The following CDH13 variants were observed in gnomAD, a reference collection of about 807,000 sequenced individuals.
The protein encoded by CDH13 is cadherin-13.
A neutral mutation model predicts 63.8 loss-of-function variants in CDH13; 24 were observed. The observed-to-expected ratio is 0.38, with a 90% CI of 0.27 to 0.53. The LOEUF (loss-of-function observed/expected upper bound fraction) is 0.53. CDH13 is among the 20% of genes least tolerant of loss of function. The probability of loss-of-function intolerance (pLI) is 0.85; values close to 1 mark genes in which losing one functional copy is unlikely to be tolerated. For synonymous variants in CDH13, 503 were observed against 355.3 expected (o/e 1.42, Z -4.67); for missense variants, 1,049 against 903.1 (o/e 1.16, Z -2.07).
At chr16:82,858,162 A>T (rs1002121368) in intron 1 of CDH13, among the ~76,000 whole-genome samples, 200 bp from the exon 2 acceptor site, 4 of 152,230 alleles carry the variant, frequency 2.6e-5, no homozygotes, top group African/African-American at 9.6e-5. Context: ...AAACTGCAGC[A>T]GCTGTTCCAT....
chr16:83,666,981 G>A (rs992801765), intron 8 of CDH13, among the ~76,000 whole-genome samples: 2 of 151,692 alleles, frequency 1.3e-5, no homozygotes, highest in African/African-American at 2.4e-5. Context: ...GTTTAGTGGT[G>A]TAACCCTGGA....
intron 1 of CDH13, among the ~76,000 whole-genome samples, chr16:82,814,957 C>A (rs1464327535): frequency 6.6e-6 from 1 of 152,154 alleles, no homozygotes; most frequent in Non-Finnish European, 1.5e-5. Flanking sequence ...AAAACCCACT[C>A]ATACTTGGTG....
intron 4 of CDH13, among the ~76,000 whole-genome samples, chr16:83,147,854 C>A (rs1260758017): frequency 6.6e-6 from 1 of 152,112 alleles, no homozygotes; most frequent in Non-Finnish European, 1.5e-5. Context: ...CACCCTGACA[C>A]CATCATAAGC....
chr16:82,758,609 A>G (rs905089608), intron 1 of CDH13, among the ~76,000 whole-genome samples: 5 of 152,298 alleles, frequency 3.3e-5, no homozygotes, highest in Admixed American at 2.6e-4. Flanking sequence ...AGCAGCCTCT[A>G]GAGGAGAGGT....
intron 1 of CDH13, among the ~76,000 whole-genome samples, chr16:82,667,778 GCTTT>G (rs1295764913): frequency 6.6e-6 from 1 of 152,124 alleles, no homozygotes; most frequent in East Asian, 1.9e-4. Context: ...GCTCACGCTT[GCTTT>G]CTATGTCCTG....
chr16:82,817,282 C>A (rs2037767282), intron 1 of CDH13, among the ~76,000 whole-genome samples: 1 of 152,174 alleles, frequency 6.6e-6, no homozygotes, highest in Non-Finnish European at 1.5e-5. Context: ...ACAGGTCCAC[C>A]CCTCTGTATG....
intron 5 of CDH13, among the ~76,000 whole-genome samples, chr16:83,235,509 A>C (rs1262929349): frequency 6.6e-6 from 1 of 151,928 alleles, no homozygotes; most frequent in African/African-American, 2.4e-5. Context: ...CCCCGACCCA[A>C]AATCTGAGAA....
intron 9 of CDH13, among the ~76,000 whole-genome samples, chr16:83,671,631 GT>G (rs1338715776): frequency 2.0e-5 from 3 of 152,182 alleles, no homozygotes; most frequent in Non-Finnish European, 4.4e-5. Context: ...GTGTGAAGGT[GT>G]TTTTAGAGAT....
At chr16:83,657,068 G>C (rs1276387399) in intron 8 of CDH13, among the ~76,000 whole-genome samples, 2 of 152,174 alleles carry the variant, frequency 1.3e-5, no homozygotes, top group African/African-American at 4.8e-5. Context: ...CATATTCTTA[G>C]GAAAGACTAA....
At chr16:83,065,329 A>G (rs946982659) in intron 3 of CDH13, among the ~76,000 whole-genome samples, 3 of 152,184 alleles carry the variant, frequency 2.0e-5, no homozygotes, top group Non-Finnish European at 2.9e-5. Flanking sequence ...TTGATCAGCT[A>G]TGTTGAATGC....
rs539325326 is a variant in CDH13 at position 83,334,317 on chromosome 16, C to T, written c.637-10545C>T. On this transcript the variant is annotated intron_variant, in intron 5 of 13. Coordinates refer to ENST00000567109, the MANE Select transcript of CDH13 (RefSeq NM_001257.5). The stretch of plus-strand genomic sequence containing the variant: ...TCTCCCTCTCTCTCCCCCCTCTCTC[C>T]CTATCTCCCTCTCTCCCTTTCTCCC... Among the ~76,000 whole-genome samples, 8 of 147,658 alleles carry T rather than the reference C, an allele frequency of 5.4e-5. No individual in the cohort carries two copies. In the East Asian group the frequency reaches 9.9e-4, roughly 18 times the overall value.
chr16:83,754,261 G>C (rs575253361), intron 11 of CDH13, among the ~76,000 whole-genome samples: 1 of 152,242 alleles, frequency 6.6e-6, no homozygotes, highest in South Asian at 2.1e-4. Flanking sequence ...TAAAGGATGG[G>C]GTGTGGGATG....
intron 1 of CDH13, chr16:82,639,476 C>T (rs1039836467): frequency 4.6e-6 from 7 of 1,510,248 alleles, no homozygotes; most frequent in Middle Eastern, 1.7e-4. Context: ...GTAAATTTGC[C>T]TGCTGCTGTG....
intron 1 of CDH13, among the ~76,000 whole-genome samples, chr16:82,803,271 C>T (rs1425663035): frequency 1.3e-5 from 2 of 152,152 alleles, no homozygotes; most frequent in African/African-American, 4.8e-5. Context: ...ATAAGATGAT[C>T]TCAATTTTGA....
chr16:82,942,435 C>A (rs984278988), intron 2 of CDH13, among the ~76,000 whole-genome samples: 1 of 152,164 alleles, frequency 6.6e-6, no homozygotes, highest in Non-Finnish European at 1.5e-5. Flanking sequence ...TTAAAACTAT[C>A]CTGTTATAAG....
intron 2 of CDH13, among the ~76,000 whole-genome samples, chr16:82,914,679 G>A (rs990624293): frequency 6.6e-6 from 1 of 152,216 alleles, no homozygotes; most frequent in African/African-American, 2.4e-5. Context: ...ACAGGCAAAA[G>A]TGCATGTCAT....
intron 6 of CDH13, among the ~76,000 whole-genome samples, chr16:83,463,313 C>T (rs753291251): frequency 3.9e-5 from 6 of 152,182 alleles, no homozygotes; most frequent in South Asian, 2.1e-4. Context: ...CAAAATGCAG[C>T]GATTCACAAT....
chr16:83,163,576 G>C (rs1017763377), intron 4 of CDH13, among the ~76,000 whole-genome samples: 2 of 152,012 alleles, frequency 1.3e-5, no homozygotes, highest in Non-Finnish European at 2.9e-5. Flanking sequence ...AGAAATTTCC[G>C]ACTCTGTTTT....
intron 10 of CDH13, among the ~76,000 whole-genome samples, chr16:83,688,304 C>T (rs1904514668): frequency 6.6e-6 from 1 of 152,150 alleles, no homozygotes; most frequent in Non-Finnish European, 1.5e-5. Flanking sequence ...CTTGAAAATG[C>T]AAATTTTGTC....
Sources: allele counts gnomAD v4.1 joint callset (sites outside exome capture counted in the v4.1 genomes callset), GRCh38; gene constraint gnomAD v4.1.1; transcripts MANE v1.5; gene names NCBI Gene and HGNC (gene_info 2026-07-23, HGNC 2026-07-21).